Variants in PAK5 observed in about 807,000 individuals in gnomAD.
The protein encoded by PAK5 is p21 (RAC1) activated kinase 5, also known as serine/threonine-protein kinase PAK 5.
Under a neutral mutation model 65.9 loss-of-function variants are expected in PAK5, and 16 were observed. That is an observed-to-expected ratio of 0.24 (90% CI 0.16 to 0.37). The LOEUF is 0.37. PAK5 is among the 10% of genes least tolerant of loss of function. The probability of loss-of-function intolerance (pLI) is 1.00; values close to 1 mark genes in which losing one functional copy is unlikely to be tolerated. For missense variants in PAK5, 785 were observed against 903.9 expected, an observed-to-expected ratio of 0.87 and a Z score of 1.69; for synonymous variants, 371 against 354.9, an observed-to-expected ratio of 1.05 and a Z score of -0.51.
intron 3 of PAK5, among the ~76,000 whole-genome samples, chr20:9,596,755 G>A (rs2046277116): frequency 6.6e-6 from 1 of 152,016 alleles, no homozygotes; most frequent in Non-Finnish European, 1.5e-5. Flanking sequence ...AATCTCTGGG[G>A]TAAAGACCAG....
intron 3 of PAK5, among the ~76,000 whole-genome samples, chr20:9,636,964 T>C (rs370060833): frequency 1.3e-5 from 2 of 152,070 alleles, no homozygotes. Flanking sequence ...TTATATTATA[T>C]CTATTAATAT....
At chr20:9,644,448 T>A in intron 2 of PAK5, 109 bp from the exon 3 acceptor site, 1 of 678,390 alleles carries the variant, frequency 1.5e-6, no homozygotes, top group Non-Finnish European at 2.5e-6. Flanking sequence ...GTTATTCCTC[T>A]AGATCCCAGC....
At chr20:9,676,173 G>C (rs980684941) in intron 2 of PAK5, among the ~76,000 whole-genome samples, 1 of 151,886 alleles carries the variant, frequency 6.6e-6, no homozygotes, top group Non-Finnish European at 1.5e-5. Context: ...ATCAAATCTC[G>C]TGAGACTTAC....
intron 1 of PAK5, among the ~76,000 whole-genome samples, chr20:9,833,554 C>T (rs1600425093): frequency 6.6e-6 from 1 of 151,694 alleles, no homozygotes; most frequent in African/African-American, 2.4e-5. Flanking sequence ...CCACTCTCCA[C>T]ACCACCTGTA....
At chr20:9,693,116 G>A (rs2047819839) in intron 2 of PAK5, among the ~76,000 whole-genome samples, 1 of 152,022 alleles carries the variant, frequency 6.6e-6, no homozygotes, top group African/African-American at 2.4e-5. Context: ...AAGAAGAATG[G>A]CAACTTTCCT....
At chr20:9,739,407 T>A (rs890848448) in intron 1 of PAK5, among the ~76,000 whole-genome samples, 4 of 152,122 alleles carry the variant, frequency 2.6e-5, no homozygotes, top group African/African-American at 9.7e-5. Context: ...GTGCAACTCA[T>A]GTTTGTGAAA....
chr20:9,783,232 A>G (rs1452575539), intron 1 of PAK5, among the ~76,000 whole-genome samples: 1 of 152,142 alleles, frequency 6.6e-6, no homozygotes, highest in Non-Finnish European at 1.5e-5. Flanking sequence ...CACCGCACCC[A>G]GCCAAGTTTG....
intron 2 of PAK5, among the ~76,000 whole-genome samples, chr20:9,666,044 T>G (rs2047412855): frequency 6.6e-6 from 1 of 152,096 alleles, no homozygotes; most frequent in East Asian, 1.9e-4. Flanking sequence ...TATCTCAGCC[T>G]TTTCCTTAAC....
chr20:9,617,607 G>T (rs2046683273), intron 3 of PAK5, among the ~76,000 whole-genome samples: 1 of 141,548 alleles, frequency 7.1e-6, no homozygotes, highest in Non-Finnish European at 1.5e-5. Flanking sequence ...CCAGGCTGGA[G>T]TGCAGTGGTG....
chr20:9,553,733 T>C (rs571617809), intron 7 of PAK5, among the ~76,000 whole-genome samples: 1 of 152,316 alleles, frequency 6.6e-6, no homozygotes, highest in African/African-American at 2.4e-5. Flanking sequence ...ATTAATACTA[T>C]TTGTTTAATC....
At chr20:9,645,231 A>G (rs16996203) in intron 2 of PAK5, among the ~76,000 whole-genome samples, 29,754 of 152,110 alleles carry the variant, frequency 0.2, 3,398 homozygotes, top group East Asian at 0.46. Context: ...ACAATTTTTT[A>G]CAGTGTACTT....
chr20:9,655,439 G>C (rs2047254327), intron 2 of PAK5, among the ~76,000 whole-genome samples: 1 of 149,458 alleles, frequency 6.7e-6, no homozygotes, highest in South Asian at 2.1e-4. Flanking sequence ...TAGCCTATTT[G>C]GGGTGTTATG....
intron 1 of PAK5, among the ~76,000 whole-genome samples, chr20:9,724,110 T>C (rs888055664): frequency 6.6e-6 from 1 of 152,170 alleles, no homozygotes; most frequent in African/African-American, 2.4e-5. Flanking sequence ...CATAAATGAA[T>C]GACTAAACCA....
At chr20:9,644,385 G>A (rs1012375999) in intron 2 of PAK5, 46 bp from the exon 3 acceptor site, 4 of 1,270,926 alleles carry the variant, frequency 3.1e-6, no homozygotes, top group Non-Finnish European at 2.3e-6. Flanking sequence ...TATCTTGCCA[G>A]CAGAAGACCA....
At chr20:9,767,095 C>T (rs528397416) in intron 1 of PAK5, among the ~76,000 whole-genome samples, 2 of 152,142 alleles carry the variant, frequency 1.3e-5, no homozygotes, top group South Asian at 4.1e-4. Flanking sequence ...GGCAGCAAGG[C>T]TGAACCACTG....
intron 2 of PAK5, among the ~76,000 whole-genome samples, chr20:9,691,309 A>T (rs554851677): frequency 6.6e-6 from 1 of 152,298 alleles, no homozygotes; most frequent in East Asian, 1.9e-4. Flanking sequence ...ATTACTGAGG[A>T]CACTCAGACG....
At chr20:9,639,590 C>T (rs1368900044) in intron 3 of PAK5, among the ~76,000 whole-genome samples, 1 of 152,220 alleles carries the variant, frequency 6.6e-6, no homozygotes, top group Admixed American at 6.5e-5. Context: ...CCAGAACCTG[C>T]TCTATACTTG....
At chr20:9,789,869 A>G (rs1241745623) in intron 1 of PAK5, among the ~76,000 whole-genome samples, 1 of 152,152 alleles carries the variant, frequency 6.6e-6, no homozygotes, top group African/African-American at 2.4e-5. Context: ...CAGGAATGAT[A>G]CCAACAAAAT....
intron 7 of PAK5, among the ~76,000 whole-genome samples, chr20:9,552,058 C>T (rs2045437227): frequency 6.6e-6 from 1 of 152,182 alleles, no homozygotes; most frequent in South Asian, 2.1e-4. Flanking sequence ...TACCACTTCC[C>T]TTATCATGAT....
Sources: allele counts gnomAD v4.1 joint callset (sites outside exome capture counted in the v4.1 genomes callset), GRCh38; gene constraint gnomAD v4.1.1; transcripts MANE v1.5; gene names NCBI Gene and HGNC (gene_info 2026-07-23, HGNC 2026-07-21).